The following THRB variants were observed in gnomAD, a reference collection of about 807,000 sequenced individuals.
The protein encoded by THRB is nuclear receptor subfamily 1 group A member 2.
A neutral mutation model predicts 47.8 loss-of-function variants in THRB; 12 were observed. That is an observed-to-expected ratio of 0.25 (90% confidence interval 0.16 to 0.41). The LOEUF (loss-of-function observed/expected upper bound fraction) is 0.41. THRB is among the 10% of genes least tolerant of loss of function. The probability of loss-of-function intolerance (pLI) is 1.00; values close to 1 mark genes in which losing one functional copy is unlikely to be tolerated. For missense variants in THRB, 348 were observed against 589.2 expected (o/e 0.59, Z 4.24); for synonymous variants, 218 against 212.2 (o/e 1.03, Z -0.24).
chr3:24,199,122 A>C (rs139305621), intron 4 of THRB, among the ~76,000 whole-genome samples: 1 of 152,198 alleles, frequency 6.6e-6, no homozygotes, highest in African/African-American at 2.4e-5. Flanking sequence ...AGTACTTTTC[A>C]TACATTATTT....
intron 1 of THRB, among the ~76,000 whole-genome samples, chr3:24,384,659 A>ATTAG (rs1038954317): frequency 2.0e-5 from 3 of 152,144 alleles, no homozygotes; most frequent in Non-Finnish European, 4.4e-5. Flanking sequence ...AAGTCCAAGG[A>ATTAG]TTAGTCACTT....
chr3:24,159,981 A>T (rs1432749455), intron 5 of THRB, among the ~76,000 whole-genome samples: 1 of 152,212 alleles, frequency 6.6e-6, no homozygotes, highest in Non-Finnish European at 1.5e-5. Flanking sequence ...AAAACAAAGG[A>T]TATCTGCCTT....
At chr3:24,295,052 C>T (rs1366928089) in intron 3 of THRB, among the ~76,000 whole-genome samples, 1 of 152,208 alleles carries the variant, frequency 6.6e-6, no homozygotes, top group Non-Finnish European at 1.5e-5. Context: ...GATACCAACT[C>T]AAATTCCTCA....
At chr3:24,200,405 C>A (rs1230516224) in intron 4 of THRB, among the ~76,000 whole-genome samples, 1 of 152,082 alleles carries the variant, frequency 6.6e-6, no homozygotes, top group African/African-American at 2.4e-5. Context: ...AAAATCAAAA[C>A]TTAAGATTTA....
At chr3:24,165,917 C>T (rs2039590174) in intron 5 of THRB, among the ~76,000 whole-genome samples, 1 of 152,162 alleles carries the variant, frequency 6.6e-6, no homozygotes, top group Non-Finnish European at 1.5e-5. Flanking sequence ...AGTTTATTAG[C>T]ATGAACCAGA....
chr3:24,169,987 C>T (rs2040215660), intron 5 of THRB, among the ~76,000 whole-genome samples: 1 of 150,530 alleles, frequency 6.6e-6, no homozygotes, highest in Non-Finnish European at 1.5e-5. Context: ...TGATCTCATC[C>T]TGTCTCACAG....
At chr3:24,130,894 CAG>C (rs754299068) in intron 9 of THRB, among the ~76,000 whole-genome samples, 2 of 152,088 alleles carry the variant, frequency 1.3e-5, no homozygotes, top group South Asian at 2.1e-4. Context: ...AAACAGATAA[CAG>C]AATTTATGGT....
intron 1 of THRB, among the ~76,000 whole-genome samples, chr3:24,438,772 G>A (rs1416464727): frequency 2.0e-5 from 3 of 152,014 alleles, no homozygotes; most frequent in Admixed American, 1.3e-4. Flanking sequence ...ACTGGCCCTC[G>A]GTAAGAGAGT....
chr3:24,160,097 G>A (rs2038559527), intron 5 of THRB, among the ~76,000 whole-genome samples: 1 of 152,154 alleles, frequency 6.6e-6, no homozygotes, highest in Admixed American at 6.5e-5. Context: ...AGTGATGCAG[G>A]CTGACAGTGG....
At chr3:24,471,766 A>T (rs973877628) in intron 1 of THRB, among the ~76,000 whole-genome samples, 4 of 152,186 alleles carry the variant, frequency 2.6e-5, no homozygotes, top group African/African-American at 9.7e-5. Context: ...CAACTTGTGA[A>T]ATTTCCTAAA....
chr3:24,193,194 G>C (rs1299711002), intron 4 of THRB, among the ~76,000 whole-genome samples: 1 of 152,162 alleles, frequency 6.6e-6, no homozygotes, highest in Non-Finnish European at 1.5e-5. Context: ...ATATCCTTTT[G>C]TTCCTTCAAA....
At chr3:24,258,099 A>G (rs186335551) in intron 3 of THRB, among the ~76,000 whole-genome samples, 1 of 152,358 alleles carries the variant, frequency 6.6e-6, no homozygotes, top group East Asian at 1.9e-4. Flanking sequence ...GACTTTGAAC[A>G]GAGAAGAGAG....
chr3:24,309,975 AT>A (rs2057636931), intron 2 of THRB, among the ~76,000 whole-genome samples: 4 of 152,202 alleles, frequency 2.6e-5, no homozygotes, highest in Admixed American at 2.6e-4. Flanking sequence ...AGAGAAAAGG[AT>A]TGTTTTGCGC....
At chr3:24,228,284 C>G (rs1576108555) in intron 4 of THRB, among the ~76,000 whole-genome samples, 1 of 152,134 alleles carries the variant, frequency 6.6e-6, no homozygotes, top group East Asian at 1.9e-4. Context: ...TTGTATTCCT[C>G]CAAGGTCATT....
In THRB at chr3:24,244,834, C is replaced by T. The variant is rs2049944329; in HGVS notation, c.-42-15833G>A. On this transcript the variant is annotated intron_variant, in intron 3 of 10. Coordinates refer to ENST00000646209, the MANE Select transcript of THRB (RefSeq NM_001354712.2). ...TAACATATATGGAACAATAACAGCA[C>T]ATTGCAATGAAAATGCTGCATGGTT... 2.0e-5 allele frequency among the ~76,000 whole-genome samples: 3 copies of T among 152,178 alleles called. No individual in the cohort carries two copies. In the South Asian group the frequency reaches 6.2e-4, roughly 32 times the overall value.
intron 3 of THRB, among the ~76,000 whole-genome samples, chr3:24,243,071 A>C (rs1363010592): frequency 3.5e-4 from 2 of 5,772 alleles, no homozygotes; most frequent in Non-Finnish European, 7.9e-4. Flanking sequence ...CACCTTTGAA[A>C]AAAAAAAAAA....
At chr3:24,207,011 C>T (rs1482560740) in intron 4 of THRB, among the ~76,000 whole-genome samples, 1 of 152,078 alleles carries the variant, frequency 6.6e-6, no homozygotes, top group Non-Finnish European at 1.5e-5. Flanking sequence ...TAATAGCCTA[C>T]CAACCAAAAA....
intron 1 of THRB, among the ~76,000 whole-genome samples, chr3:24,359,306 T>C (rs2149626093): frequency 6.6e-6 from 1 of 152,236 alleles, no homozygotes; most frequent in East Asian, 1.9e-4. Context: ...CTCCCAGAGT[T>C]CCCAGATGTG....
At chr3:24,477,007 A>ATTTTTTTTTTTTTTTTTTTTT (rs558247174) in intron 1 of THRB, among the ~76,000 whole-genome samples, 17 of 126,478 alleles carry the variant, frequency 1.3e-4, no homozygotes, top group African/African-American at 5.3e-4. Context: ...GGTTTTCAAG[A>ATTTTTTTTTTTTTTTTTTTTT]TTTTTTTTTT....
Sources: gnomAD v4.1 joint callset for allele counts (sites outside exome capture counted in the v4.1 genomes callset) on GRCh38, gnomAD v4.1.1 for gene constraint, MANE v1.5 for transcripts, NCBI Gene and HGNC (gene_info 2026-07-23, HGNC 2026-07-21) for gene names.